LRRC46: variants seen among roughly 807,000 people sequenced by gnomAD.
LRRC46 encodes the protein leucine rich repeat containing 46, also known as leucine-rich repeat-containing protein 46.
A neutral mutation model predicts 28.0 loss-of-function variants in LRRC46; 20 were observed. The ratio of observed to expected loss-of-function variants is 0.71; its 90% CI spans 0.50 to 1.04. The LOEUF is 1.04. LRRC46 is among the 50% of genes least tolerant of loss of function. The probability of loss-of-function intolerance (pLI) is 0.00; values close to 1 mark genes in which losing one functional copy is unlikely to be tolerated. For synonymous variants in LRRC46, 156 were observed against 158.8 expected (o/e 0.98, Z 0.13); for missense variants, 315 against 390.1 (o/e 0.81, Z 1.62).
chr17:47,836,656 A>G lies in LRRC46; in HGVS notation c.596-94A>G. On this transcript the variant is annotated intron_variant, in intron 7 of 7. Transcript: ENST00000269025. The surrounding 1 kb of genome is among the most constrained non-coding windows in gnomAD (Gnocchi z 5.8). The stretch of plus-strand genomic sequence containing the variant: ...CTCAGGCTCCTTCCCACAAGGGACA[A>G]GGGGCCAGCCAGAGACTTCCCTGAG... 1.3e-6 allele frequency: 2 copies of G among 1,538,084 alleles called. No individual in the cohort carries two copies. The highest frequency in any genetic ancestry group is 1.2e-5 in the South Asian group (1 of 82,756).
intron 3 of LRRC46, 58 bp downstream of exon 3, chr17:47,834,591 A>C: frequency 1.1e-4 from 131 of 1,222,992 alleles, no homozygotes; most frequent in Non-Finnish European, 1.5e-4. Flanking sequence ...AATCTGTCTC[A>C]TCTGAAAGGA....
rs2033699670 is a variant in LRRC46, at chr17:47,836,545, T to G, written c.595+70T>G. ...CTGCCCTGTGGGACATGAGGGAAGC[T>G]AAGGTGGCAGTGGCGTCCGGGGAGG... On this transcript the variant is annotated intron_variant, in intron 7 of 7. Coordinates refer to ENST00000269025, the MANE Select transcript of LRRC46 (RefSeq NM_033413.4). The surrounding 1 kb of genome is among the most constrained non-coding windows in gnomAD (Gnocchi z 5.8). 2 of 1,577,664 alleles carry G rather than the reference T, an allele frequency of 1.3e-6. No homozygotes were observed. Among genetic ancestry groups the G allele is most frequent in the African/African-American group, 1.4e-5 (1 of 73,700 alleles).
rs143717247 is a variant in LRRC46, at chr17:47,835,696, G to T, written c.303G>T (p.Arg101Ser). 3.0e-5 allele frequency: 48 copies of T among 1,614,004 alleles called. No individual in the cohort carries two copies. The highest frequency in any genetic ancestry group is 4.0e-5 in the Non-Finnish European group (47 of 1,180,010). Residue 101 changes from arginine (R) to serine (S), a missense_variant, in exon 5 of 8, where the codon AGG (arginine) becomes AGT (serine). By Grantham distance (110) the Arg-to-Ser change is moderately radical. Coordinates refer to ENST00000269025, the MANE Select transcript of LRRC46 (RefSeq NM_033413.4). The part of the protein sequence containing the change: ...RFLSLAGNQI[R>S]QVENLLDLPC... ...TGTCTCTGGCAGGAAACCAAATCAG[G>T]CAGGTGGAAAACCTCCTCGACCTCC... is the stretch of plus-strand genomic sequence containing the variant.
At chr17:47,833,494 G>C (rs1344777418) in intron 2 of LRRC46, among the ~76,000 whole-genome samples, 2 of 149,242 alleles carry the variant, frequency 1.3e-5, no homozygotes, top group African/African-American at 2.5e-5. Flanking sequence ...TGTTGCGCAG[G>C]CTGGAGTGCA....
Position 47,837,246 on chromosome 17 carries a change from C to A in LRRC46, c.*126C>A. ...TAGGCCCTGAGTATGCTTTTCATGT[C>A]ACTTGGGGTATCTCAGGGGAAGAAA... On this transcript the variant is annotated 3_prime_UTR_variant, in exon 8 of 8. Coordinates refer to ENST00000269025, the MANE Select transcript of LRRC46 (RefSeq NM_033413.4). 7.7e-7 allele frequency: 1 copy of A among 1,299,528 alleles called. No individual in the cohort carries two copies. 80.5% of individuals were successfully genotyped at this position (1,299,528 alleles called of 1,614,324 possible).
chr17:47,831,926 G>T lies in LRRC46; in HGVS notation c.-64G>T, dbSNP rs1207027581. ...CATCCTGAGTTCTGCCATCCTTAGG[G>T]GCCGCCAAGACCTCTCTTTTCGTTC... On this transcript the variant is annotated 5_prime_UTR_variant, in exon 1 of 8. Transcript: ENST00000269025. 1 of 1,609,780 alleles carries T rather than the reference G, an allele frequency of 6.2e-7. No homozygotes were observed. Among genetic ancestry groups the T allele is most frequent in the African/African-American group, 1.3e-5 (1 of 74,716 alleles).
chr17:47,837,153 G>A lies in LRRC46; in HGVS notation c.*33G>A. The A allele has an allele frequency of 6.3e-7, 1 of 1,586,688 alleles. No homozygotes were observed. The highest frequency in any genetic ancestry group is 8.5e-7 in the Non-Finnish European group (1 of 1,173,354). On this transcript the variant is annotated 3_prime_UTR_variant, in exon 8 of 8. Transcript: ENST00000269025. ...TCAACCTTTCTCTACTAGTGGAGAG[G>A]AGTGGGGCCTGCCCCTCTTCTCAGA...
At chr17:47,834,273 C>T in intron 2 of LRRC46, 152 bp from the exon 3 acceptor site, 1 of 746,866 alleles carries the variant, frequency 1.3e-6, no homozygotes, top group East Asian at 2.8e-5. Context: ...TAGACACCAC[C>T]TCAAGATGTC....
intron 2 of LRRC46, chr17:47,833,850 G>A (rs1204982358): frequency 1.7e-5 from 14 of 842,342 alleles, no homozygotes; most frequent in Middle Eastern, 6.0e-4. Context: ...TCCTGGGCTC[G>A]AGCGATCCTC....
In LRRC46 at chr17:47,835,391, C is replaced by G. The variant is rs2033681470; in HGVS notation, c.264C>G (p.Pro88=). ...IQQIENLACI[P]SLRFLSLAGN... is the part of the protein sequence containing the mutation. ...AAATTGAGAACCTGGCTTGCATCCC[C>G]TCCTTGCGGTATGTGGTGCCAGGGC... The change falls in exon 4 of 8, where the codon CCC becomes CCG. Residue 88 remains proline (P), a synonymous_variant. Transcript: ENST00000269025. The G allele has an allele frequency of 6.2e-7, 1 of 1,614,120 alleles. No individual in the cohort carries two copies. The highest frequency in any genetic ancestry group is 1.7e-5 in the Admixed American group (1 of 60,026).
At position 47,836,177 on chromosome 17, in the gene LRRC46, T is replaced by A; in HGVS notation, c.452+75T>A. 1.3e-6 allele frequency: 2 copies of A among 1,588,274 alleles called. No individual in the cohort carries two copies. Among genetic ancestry groups the A allele is most frequent in the South Asian group, 2.2e-5 (2 of 90,394 alleles). ...AACTCAGCCCAGACCCCTCTCAGCC[T>A]GCAAACCTGGGGTCCTGTCCATGAC... is the stretch of plus-strand genomic sequence containing the variant. On this transcript the variant is annotated intron_variant, in intron 6 of 7. Transcript: ENST00000269025. The surrounding 1 kb of genome is among the most constrained non-coding windows in gnomAD (Gnocchi z 5.8).
chr17:47,836,482 C>T lies in LRRC46; in HGVS notation c.595+7C>T, dbSNP rs771263564. ...CCATTCTGCTCAGAACGAGGTGACC[C>T]TGCTTTCCAAGGTTTTCAGCCTCCC... is the stretch of plus-strand genomic sequence containing the variant. On this transcript the variant is annotated splice_region_variant and intron_variant, in intron 7 of 7. Transcript: ENST00000269025. The surrounding 1 kb of genome is among the most constrained non-coding windows in gnomAD (Gnocchi z 5.8). 45 of 1,613,366 alleles carry T rather than the reference C, an allele frequency of 2.8e-5. No individual in the cohort carries two copies. The African/African-American group carries it at 4.3e-4, about 15-fold the overall frequency.
intron 1 of LRRC46, 27 bp from the exon 2 acceptor site, chr17:47,832,073 G>C (rs757181222): frequency 6.2e-7 from 1 of 1,613,492 alleles, no homozygotes; most frequent in Non-Finnish European, 8.5e-7. Context: ...GTGAGGAAGT[G>C]TCACAGTTGG....
Position 47,834,477 on chromosome 17 carries a change from A to G in LRRC46, c.169A>G (p.Thr57Ala), listed in dbSNP as rs926631696. ...TGTCCGCCTGGACCGGGAGGGGATTACTACTATCAGGAACTTAGAAGGCCT... is the reference window on the plus strand; with the variant it reads ...TGTCCGCCTGGACCGGGAGGGGATTGCTACTATCAGGAACTTAGAAGGCCT... ...QTVRLDREGI[T>A]TIRNLEGLQN... The change falls in exon 3 of 8, where the codon ACT becomes GCT. Residue 57 changes from threonine to alanine, a missense_variant. By Grantham distance (58) the Thr-to-Ala change is moderately conservative. Coordinates refer to ENST00000269025, the MANE Select transcript of LRRC46 (RefSeq NM_033413.4). The G allele has an allele frequency of 3.1e-6, 5 of 1,613,882 alleles. No individual in the cohort carries two copies. In the Admixed American group the frequency reaches 8.3e-5, roughly 27 times the overall value.
In LRRC46 at chr17:47,834,446, G is replaced by C. The variant is rs2033670591; in HGVS notation, c.138G>C (p.Leu46=). 6.2e-7 allele frequency: 1 copy of C among 1,613,288 alleles called. No individual in the cohort carries two copies. The highest frequency in any genetic ancestry group is 1.3e-5 in the African/African-American group (1 of 75,006). The change falls in exon 3 of 8, where the codon CTG becomes CTC. Residue 46 remains leucine (L), a synonymous_variant. Transcript: ENST00000269025. ...CCAGGTTTCACACTCTTGATGAACT[G>C]CAGACTGTCCGCCTGGACCGGGAGG... The part of the protein sequence containing the change: ...SEKMFHTLDE[L]QTVRLDREGI...
At position 47,837,576 on chromosome 17, in the gene LRRC46, C is replaced by T. The variant is rs532307622; in HGVS notation, c.*456C>T. 1.7e-4 allele frequency: 85 copies of T among 494,000 alleles called. No homozygotes were observed. Among genetic ancestry groups the T allele is most frequent in the African/African-American group, 1.6e-3 (79 of 49,288 alleles). 30.6% of individuals were successfully genotyped at this position (494,000 alleles called of 1,614,324 possible). ...GTCCTCCTGCCCAGTCCCCATCACT[C>T]ACCCACTCATAGGAATGAGTACACA... On this transcript the variant is annotated 3_prime_UTR_variant, in exon 8 of 8. Transcript: ENST00000269025.
chr17:47,836,688 G>T lies in LRRC46; in HGVS notation c.596-62G>T, dbSNP rs1339243976. The T allele has an allele frequency of 1.1e-5, 18 of 1,583,752 alleles. No individual in the cohort carries two copies. The highest frequency in any genetic ancestry group is 1.5e-5 in the Non-Finnish European group (18 of 1,168,518). On this transcript the variant is annotated intron_variant, in intron 7 of 7. Transcript: ENST00000269025. The surrounding 1 kb of genome is among the most constrained non-coding windows in gnomAD (Gnocchi z 5.8). Reference sequence around the variant, plus strand: ...AGCCAGAGACTTCCCTGAGCCCAGGGACCCTCCTGCTGAGCCCAGGGCTCC... The same window carrying T: ...AGCCAGAGACTTCCCTGAGCCCAGGTACCCTCCTGCTGAGCCCAGGGCTCC...
Position 47,835,722 on chromosome 17 carries a change from C to T in LRRC46, c.329C>T (p.Pro110Leu). ...CAGGTGGAAAACCTCCTCGACCTCCCATGCCTCCAGTTTCTGGACCTTTCT... is the reference window on the plus strand; with the variant it reads ...CAGGTGGAAAACCTCCTCGACCTCCTATGCCTCCAGTTTCTGGACCTTTCT... ...IRQVENLLDL[P>L]CLQFLDLSEN... The change falls in exon 5 of 8, where the codon CCA becomes CTA. Residue 110 changes from proline (P) to leucine (L), a missense_variant. Pro to Leu is a moderately conservative substitution (Grantham distance 98, BLOSUM62 -3). Coordinates refer to ENST00000269025, the MANE Select transcript of LRRC46 (RefSeq NM_033413.4). The T allele has an allele frequency of 1.2e-6, 2 of 1,614,230 alleles. No homozygotes were observed. Among genetic ancestry groups the T allele is most frequent in the Non-Finnish European group, 1.7e-6 (2 of 1,180,040 alleles).
Position 47,834,569 on chromosome 17 carries a change from C to T in LRRC46, c.225+36C>T, listed in dbSNP as rs1456131005. On this transcript the variant is annotated intron_variant, in intron 3 of 7. Coordinates refer to ENST00000269025, the MANE Select transcript of LRRC46 (RefSeq NM_033413.4). The stretch of plus-strand genomic sequence containing the variant: ...TCTCCACCCTTCCCCTCCCCTTGAC[C>T]CCTGTGGACCTAATCTGTCTCATCT... The T allele has an allele frequency of 2.9e-6, 4 of 1,401,522 alleles. No individual in the cohort carries two copies. The Admixed American group carries it at 5.1e-5, about 18-fold the overall frequency. 86.8% of individuals were successfully genotyped at this position (1,401,522 alleles called of 1,614,324 possible).
Sources: gnomAD v4.1 joint callset for allele counts (sites outside exome capture counted in the v4.1 genomes callset) on GRCh38, gnomAD v4.1.1 for gene constraint, Gnocchi (gnomAD v3.1) non-coding constraint, MANE v1.5 for transcripts, NCBI Gene and HGNC (gene_info 2026-07-23, HGNC 2026-07-21) for gene names.